The following PLD5 variants were observed in gnomAD, a reference collection of about 807,000 sequenced individuals.
The protein encoded by PLD5 is inactive phospholipase D5.
In PLD5, 36 loss-of-function variants were observed where a neutral mutation model predicts 61.1. The observed-to-expected ratio is 0.59, with a 90% CI of 0.45 to 0.78. The LOEUF (loss-of-function observed/expected upper bound fraction) is 0.78. Among genes scored for constraint, PLD5 ranks in the 30% least tolerant of loss-of-function variants. The probability of loss-of-function intolerance (pLI) is 0.00; values close to 1 mark genes in which losing one functional copy is unlikely to be tolerated. For synonymous variants in PLD5, 243 were observed against 242.8 expected (o/e 1.00, Z -0.01); for missense variants, 515 against 644.4 (o/e 0.80, Z 2.17).
chr1:242,498,947 A>G (rs1337238174), intron 1 of PLD5, among the ~76,000 whole-genome samples: 1 of 152,224 alleles, frequency 6.6e-6, no homozygotes, highest in African/African-American at 2.4e-5. Context: ...ATTACAGAAA[A>G]TACTTCTGGG....
At chr1:242,482,342 C>T (rs1296412986) in intron 1 of PLD5, among the ~76,000 whole-genome samples, 1 of 152,136 alleles carries the variant, frequency 6.6e-6, no homozygotes, top group Non-Finnish European at 1.5e-5. Context: ...ACTACAATAA[C>T]CAATGCAGAG....
chr1:242,374,670 C>T (rs181286667), intron 1 of PLD5, among the ~76,000 whole-genome samples: 1 of 152,258 alleles, frequency 6.6e-6, no homozygotes, highest in Admixed American at 6.5e-5. Flanking sequence ...GCCCCACACC[C>T]AGAAGGAAGA....
intron 2 of PLD5, among the ~76,000 whole-genome samples, chr1:242,299,960 C>T (rs1675931413): frequency 6.6e-6 from 1 of 152,126 alleles, no homozygotes; most frequent in Non-Finnish European, 1.5e-5. Flanking sequence ...ACAACGAATA[C>T]ATAAGTAAAC....
intron 9 of PLD5, among the ~76,000 whole-genome samples, chr1:242,094,015 A>G (rs558626683): frequency 1.3e-5 from 2 of 152,062 alleles, no homozygotes; most frequent in East Asian, 3.9e-4. Context: ...GAATTCCTGC[A>G]CCTTTGTGAT....
At chr1:242,435,803 C>A (rs1301242720) in intron 1 of PLD5, among the ~76,000 whole-genome samples, 1 of 152,112 alleles carries the variant, frequency 6.6e-6, no homozygotes, top group African/African-American at 2.4e-5. Flanking sequence ...ACTTTTAGTT[C>A]TTTTCTACCT....
intron 1 of PLD5, among the ~76,000 whole-genome samples, chr1:242,360,197 C>T (rs1468625083): frequency 6.6e-6 from 1 of 152,150 alleles, no homozygotes; most frequent in African/African-American, 2.4e-5. Flanking sequence ...CTGGGCCACA[C>T]TTTTGAACCG....
chr1:242,466,396 C>T (rs529410021), intron 1 of PLD5, among the ~76,000 whole-genome samples: 1 of 152,048 alleles, frequency 6.6e-6, no homozygotes, highest in South Asian at 2.1e-4. Context: ...TTAGTACGGG[C>T]ATGCAATTAG....
intron 2 of PLD5, among the ~76,000 whole-genome samples, chr1:242,297,621 C>CTTTT (rs56851216): frequency 2.8e-5 from 3 of 107,224 alleles, no homozygotes; most frequent in African/African-American, 6.7e-5. Context: ...ATTCATGTTT[C>CTTTT]TTTTTTTTTT....
At chr1:242,131,042 A>G (rs1026265155) in intron 5 of PLD5, among the ~76,000 whole-genome samples, 3 of 152,152 alleles carry the variant, frequency 2.0e-5, no homozygotes, top group African/African-American at 7.2e-5. Context: ...GCGGTGACTC[A>G]CGCCTGTAAT....
chr1:242,086,335 G>A lies in PLD5; in HGVS notation c.*3519C>T, dbSNP rs1451752593. On this transcript the variant is annotated 3_prime_UTR_variant, in exon 10 of 10. Coordinates refer to ENST00000536534, the MANE Select transcript of PLD5 (RefSeq NM_001372062.1). Reference sequence around the variant, plus strand: ...TTCTCTGTGCCACAGGACCTAGGAAGTCTGCAAAGCATCTCTTTACAGCAT... The same window carrying A: ...TTCTCTGTGCCACAGGACCTAGGAAATCTGCAAAGCATCTCTTTACAGCAT... 6.6e-6 allele frequency: 1 copy of A among 152,196 alleles called. No homozygotes were observed. The allele number at this position is 152,196 out of a possible 1,614,324, so 9.4% of individuals were successfully genotyped here.
chr1:242,231,168 A>G (rs1435560796), intron 4 of PLD5, among the ~76,000 whole-genome samples: 1 of 152,240 alleles, frequency 6.6e-6, no homozygotes, highest in African/African-American at 2.4e-5. Flanking sequence ...TTAAAAAATA[A>G]TAAGGTCTAG....
intron 1 of PLD5, among the ~76,000 whole-genome samples, chr1:242,435,192 C>G (rs1388948798): frequency 6.6e-6 from 1 of 150,770 alleles, no homozygotes; most frequent in South Asian, 2.1e-4. Flanking sequence ...ACCTACTTGC[C>G]AAAATTTTTT....
At chr1:242,497,696 G>A (rs181345572) in intron 1 of PLD5, among the ~76,000 whole-genome samples, 3 of 152,348 alleles carry the variant, frequency 2.0e-5, no homozygotes, top group African/African-American at 7.2e-5. Context: ...GAAGAACCTA[G>A]TGTTATACCT....
At chr1:242,459,396 T>A (rs1459264431) in intron 1 of PLD5, among the ~76,000 whole-genome samples, 1 of 152,230 alleles carries the variant, frequency 6.6e-6, no homozygotes, top group Non-Finnish European at 1.5e-5. Context: ...CTTAACCCCA[T>A]TCAATGGGTA....
chr1:242,357,266 A>G (rs1660803335), intron 1 of PLD5, among the ~76,000 whole-genome samples: 2 of 151,262 alleles, frequency 1.3e-5, no homozygotes, highest in South Asian at 4.2e-4. Context: ...CCACTGGCCT[A>G]GAGAGTTTCT....
intron 5 of PLD5, among the ~76,000 whole-genome samples, chr1:242,152,291 C>T (rs1180283255): frequency 6.6e-6 from 1 of 152,098 alleles, no homozygotes; most frequent in African/African-American, 2.4e-5. Flanking sequence ...GTCTAATTCC[C>T]TCTCCCAGTT....
At chr1:242,109,153 T>C (rs1423322690) in intron 7 of PLD5, among the ~76,000 whole-genome samples, 1 of 152,184 alleles carries the variant, frequency 6.6e-6, no homozygotes, top group Non-Finnish European at 1.5e-5. Flanking sequence ...CAGTGATCCA[T>C]CTAAAGCAGA....
At chr1:242,177,157 A>T (rs1667207888) in intron 5 of PLD5, among the ~76,000 whole-genome samples, 1 of 152,234 alleles carries the variant, frequency 6.6e-6, no homozygotes, top group South Asian at 2.1e-4. Context: ...TCACAGTAGC[A>T]ACCCAAATGT....
intron 2 of PLD5, among the ~76,000 whole-genome samples, chr1:242,311,849 TC>T (rs1676716108): frequency 6.6e-6 from 1 of 152,174 alleles, no homozygotes; most frequent in Admixed American, 6.5e-5. Flanking sequence ...CATATGTAGG[TC>T]CACTTGATGG....
Sources: allele counts gnomAD v4.1 joint callset (sites outside exome capture counted in the v4.1 genomes callset), GRCh38; gene constraint gnomAD v4.1.1; transcripts MANE v1.5; gene names NCBI Gene and HGNC (gene_info 2026-07-23, HGNC 2026-07-21).